Variants in WDPCP observed in about 807,000 individuals in gnomAD.
The protein encoded by WDPCP is WD repeat containing planar cell polarity effector.
WDPCP carries 71 observed loss-of-function variants against 93.1 expected under a neutral mutation model. That is an observed-to-expected ratio of 0.76 (90% CI 0.63 to 0.93). The LOEUF is 0.93. Among genes scored for constraint, WDPCP ranks in the 40% least tolerant of loss-of-function variants. The probability of loss-of-function intolerance (pLI) is 0.00; values close to 1 mark genes in which losing one functional copy is unlikely to be tolerated. For synonymous variants in WDPCP, 315 were observed against 315.0 expected (o/e 1.00, Z 0.00); for missense variants, 844 against 887.4 (o/e 0.95, Z 0.62).
intron 6 of WDPCP, among the ~76,000 whole-genome samples, chr2:63,446,638 G>C (rs1697885583): frequency 6.6e-6 from 1 of 152,094 alleles, no homozygotes; most frequent in Non-Finnish European, 1.5e-5. Context: ...ATCTCAAATG[G>C]AGTGGTGGGC....
intron 14 of WDPCP, among the ~76,000 whole-genome samples, chr2:63,221,920 G>A (rs1455125030): frequency 6.6e-6 from 1 of 152,180 alleles, no homozygotes; most frequent in Non-Finnish European, 1.5e-5. Context: ...GAAATAACCT[G>A]CAAATCCTAG....
chr2:63,139,237 G>A (rs1670881816), intron 17 of WDPCP, among the ~76,000 whole-genome samples: 1 of 151,844 alleles, frequency 6.6e-6, no homozygotes, highest in African/African-American at 2.4e-5. Context: ...TGGGCATTTG[G>A]GTTGGTTCCA....
chr2:63,203,984 C>G (rs1269613818), intron 14 of WDPCP, among the ~76,000 whole-genome samples: 1 of 152,180 alleles, frequency 6.6e-6, no homozygotes, highest in East Asian at 1.9e-4. Context: ...CAAGTCTTGG[C>G]TCCTGTGAAC....
intron 2 of WDPCP, among the ~76,000 whole-genome samples, chr2:63,802,281 T>A (rs1187113328): frequency 1.8e-5 from 1 of 54,390 alleles, no homozygotes; most frequent in African/African-American, 8.5e-5. Context: ...CCCTCTCTCT[T>A]AAAAAAAAAA....
intron 12 of WDPCP, among the ~76,000 whole-genome samples, chr2:63,354,096 A>C (rs1048871083): frequency 6.6e-6 from 1 of 152,136 alleles, no homozygotes. Context: ...ACAAAGGGGC[A>C]AAGACCCTAA....
chr2:63,596,874 G>C (rs1484925739), intron 3 of WDPCP, among the ~76,000 whole-genome samples: 3 of 152,170 alleles, frequency 2.0e-5, no homozygotes, highest in African/African-American at 7.2e-5. Flanking sequence ...TGATGGTGGC[G>C]AGTTAATCTC....
intron 13 of WDPCP, among the ~76,000 whole-genome samples, chr2:63,294,874 T>C (rs867580979): frequency 6.6e-6 from 1 of 152,198 alleles, no homozygotes; most frequent in Admixed American, 6.5e-5. Context: ...GTCTAAAAGC[T>C]AGCATTATTG....
At chr2:63,488,427 T>C (rs1558701776) in intron 2 of WDPCP, among the ~76,000 whole-genome samples, 1 of 152,120 alleles carries the variant, frequency 6.6e-6, no homozygotes, top group African/African-American at 2.4e-5. Context: ...TTGCGTGTAC[T>C]TGTTAAAGCT....
At chr2:63,355,578 C>T (rs1483187398) in intron 12 of WDPCP, among the ~76,000 whole-genome samples, 1 of 152,102 alleles carries the variant, frequency 6.6e-6, no homozygotes, top group East Asian at 1.9e-4. Flanking sequence ...AGCACAATGA[C>T]AGGATCAAAC....
intron 1 of WDPCP, among the ~76,000 whole-genome samples, chr2:63,827,087 T>C (rs1671124387): frequency 7.0e-6 from 1 of 143,648 alleles, no homozygotes; most frequent in Admixed American, 6.7e-5. Flanking sequence ...GACTCCCTAG[T>C]GAACAAAATG....
At position 63,350,674 on chromosome 2, in the gene WDPCP, CTGTAA is replaced by C. The variant is rs1299196967; in HGVS notation, c.1748+27707_1748+27711del. 7.2e-5 allele frequency among the ~76,000 whole-genome samples: 11 copies of C among 152,092 alleles called. No individual in the cohort carries two copies. In the East Asian group the frequency reaches 2.1e-3, roughly 29 times the overall value. On this transcript the variant is annotated intron_variant, in intron 12 of 17. Coordinates refer to ENST00000272321, the MANE Select transcript of WDPCP (RefSeq NM_015910.7). ...ATAGGGTATGTTGAAAGAGGAAGGA[CTGTAA>C]TAGTCCTTCCCACTCCATTTTGGCT...
At chr2:63,229,651 T>C (rs1678643829) in intron 14 of WDPCP, 2 of 152,016 alleles carry the variant, frequency 1.3e-5, no homozygotes. Context: ...TTTCTACATA[T>C]GGCTAGCCAG....
chr2:63,753,262 C>A (rs1669909973), intron 2 of WDPCP, among the ~76,000 whole-genome samples: 1 of 151,968 alleles, frequency 6.6e-6, no homozygotes, highest in Non-Finnish European at 1.5e-5. Context: ...GAAACCCCGT[C>A]TTTACAAAAA....
At chr2:63,474,867 C>T (rs1699883302) in intron 6 of WDPCP, among the ~76,000 whole-genome samples, 1 of 151,988 alleles carries the variant, frequency 6.6e-6, no homozygotes, top group African/African-American at 2.4e-5. Context: ...TAAGCAAATA[C>T]TTGTAAGTAA....
At chr2:63,528,910 T>C (rs2106216950) in intron 1 of WDPCP, among the ~76,000 whole-genome samples, 1 of 152,360 alleles carries the variant, frequency 6.6e-6, no homozygotes, top group Non-Finnish European at 1.5e-5. Context: ...TTTGTAGTTC[T>C]CCTTGAAGAG....
At position 63,486,567 on chromosome 2, in the gene WDPCP, TA is replaced by T; in HGVS notation, c.227del (p.Leu76Ter). The T allele has an allele frequency of 6.3e-7, 1 of 1,577,464 alleles. No individual in the cohort carries two copies. Among genetic ancestry groups the T allele is most frequent in the Non-Finnish European group, 8.6e-7 (1 of 1,158,370 alleles). On this transcript the variant is annotated frameshift_variant, in exon 4 of 18. Transcript: ENST00000272321. LOFTEE classifies it high-confidence loss of function. ...KDPPATEHGN[L>X]EKKQKLAESR... ...ACTCTGCCAGCTTCTGCTTCTTTTC[TA>T]AGTTACCATGCTCTGTCGCTGATAT...
intron 12 of WDPCP, among the ~76,000 whole-genome samples, chr2:63,328,085 G>C (rs1687696631): frequency 6.6e-6 from 1 of 152,278 alleles, no homozygotes; most frequent in East Asian, 1.9e-4. Context: ...CTTCTGGGTT[G>C]GTTGGGGACT....
Position 63,700,088 on chromosome 2 carries a change from C to G in WDPCP, n.309-49250G>C, listed in dbSNP as rs542233016. On this transcript the variant is annotated intron_variant and non_coding_transcript_variant, in intron 2 of 4. Coordinates refer to the WDPCP transcript ENST00000467687. ...ATGTGTTGAGCCCAGGAGTTTGACA[C>G]CCGCCTGGGCAACCTGACCAAACCT... Among the ~76,000 whole-genome samples, 27 of 151,872 alleles carry G rather than the reference C, an allele frequency of 1.8e-4. No individual in the cohort carries two copies. The South Asian group carries it at 2.5e-3, about 14-fold the overall frequency.
intron 13 of WDPCP, among the ~76,000 whole-genome samples, chr2:63,289,483 G>C (rs1684245319): frequency 6.6e-6 from 1 of 151,828 alleles, no homozygotes; most frequent in African/African-American, 2.4e-5. Context: ...CTTTGTATTT[G>C]GGAACTTCAT....
Sources: gnomAD v4.1 joint callset for allele counts (sites outside exome capture counted in the v4.1 genomes callset) on GRCh38, gnomAD v4.1.1 for gene constraint, MANE v1.5 for transcripts, NCBI Gene and HGNC (gene_info 2026-07-23, HGNC 2026-07-21) for gene names.